Variants in PDZD2 observed in about 807,000 individuals in gnomAD.
PDZD2 encodes the protein PDZ domain containing 2.
Under a neutral mutation model 220.7 loss-of-function variants are expected in PDZD2, and 90 were observed. The ratio of observed to expected loss-of-function variants is 0.41; its 90% CI spans 0.34 to 0.49. The LOEUF is 0.49. Ranked by LOEUF, PDZD2 falls within the 20% of genes least tolerant of loss-of-function variation. The pLI is 0.28. For synonymous variants in PDZD2, 1,375 were observed against 1,450.5 expected, an observed-to-expected ratio of 0.95 and a Z score of 1.18; for missense variants, 3,174 against 3,608.5, an observed-to-expected ratio of 0.88 and a Z score of 3.08.
At chr5:31,689,195 A>T (rs1433959830) in intron 1 of PDZD2, among the ~76,000 whole-genome samples, 3 of 150,756 alleles carry the variant, frequency 2.0e-5, no homozygotes, top group Non-Finnish European at 2.9e-5. Flanking sequence ...CAGCCTCCTG[A>T]GTAGCTGGGA....
intron 1 of PDZD2, among the ~76,000 whole-genome samples, chr5:31,714,643 T>C (rs1748329500): frequency 6.6e-6 from 1 of 152,216 alleles, no homozygotes; most frequent in Non-Finnish European, 1.5e-5. Context: ...AAAGTGGATT[T>C]GGCAGAATTC....
At chr5:31,687,432 C>T (rs1469521327) in intron 1 of PDZD2, among the ~76,000 whole-genome samples, 1 of 152,208 alleles carries the variant, frequency 6.6e-6, no homozygotes, top group African/African-American at 2.4e-5. Context: ...TGAGACCTCA[C>T]CAGAATGATC....
At chr5:31,693,240 C>CTTTT (rs10650316) in intron 1 of PDZD2, among the ~76,000 whole-genome samples, 11,325 of 87,534 alleles carry the variant, frequency 0.13, 1,208 homozygotes, top group East Asian at 0.19. Flanking sequence ...TGGGAAAGCA[C>CTTTT]TTTTTTTTTT....
At chr5:31,748,875 C>G (rs911223618) in intron 1 of PDZD2, among the ~76,000 whole-genome samples, 1 of 152,122 alleles carries the variant, frequency 6.6e-6, no homozygotes, top group Non-Finnish European at 1.5e-5. Context: ...TGGGGCTGGG[C>G]TTGTTGCACC....
At chr5:31,654,017 C>T (rs1745451145) in intron 1 of PDZD2, among the ~76,000 whole-genome samples, 1 of 152,188 alleles carries the variant, frequency 6.6e-6, no homozygotes, top group Non-Finnish European at 1.5e-5. Context: ...ATCTCCTGAC[C>T]TTGTGATACG....
intron 2 of PDZD2, among the ~76,000 whole-genome samples, chr5:31,976,853 G>T (rs1477335019): frequency 1.5e-4 from 22 of 150,822 alleles, no homozygotes; most frequent in African/African-American, 5.4e-4. Context: ...GAGCAGCTGG[G>T]ATTACAGGCA....
At chr5:31,993,483 A>G (rs894330748) in intron 3 of PDZD2, among the ~76,000 whole-genome samples, 1 of 152,054 alleles carries the variant, frequency 6.6e-6, no homozygotes, top group African/African-American at 2.4e-5. Context: ...TGTTTTTTTT[A>G]CTGTTGCATA....
intron 2 of PDZD2, among the ~76,000 whole-genome samples, chr5:31,809,547 G>C (rs372435175): frequency 6.6e-6 from 1 of 152,126 alleles, no homozygotes; most frequent in South Asian, 2.1e-4. Context: ...TCAGCTCTTC[G>C]TGATGGATGA....
intron 2 of PDZD2, among the ~76,000 whole-genome samples, chr5:31,962,207 C>T (rs551026612): frequency 1.8e-4 from 27 of 152,286 alleles, no homozygotes; most frequent in Non-Finnish European, 3.1e-4. Flanking sequence ...ATAGTGTTGA[C>T]ATTTTCCACA....
chr5:31,976,144 T>TGA (rs942936583), intron 2 of PDZD2, among the ~76,000 whole-genome samples: 3 of 152,166 alleles, frequency 2.0e-5, no homozygotes, highest in Non-Finnish European at 4.4e-5. Context: ...AGGCGATACC[T>TGA]GAGAGAGAGT....
intron 1 of PDZD2, among the ~76,000 whole-genome samples, chr5:31,741,394 AT>A (rs1018944152): frequency 4.6e-5 from 7 of 150,882 alleles, no homozygotes; most frequent in Admixed American, 1.3e-4. Context: ...TCCTCCCAGA[AT>A]TTTTTTTTAG....
chr5:31,858,198 G>A (rs1296050468), intron 2 of PDZD2, among the ~76,000 whole-genome samples: 1 of 151,946 alleles, frequency 6.6e-6, no homozygotes, highest in Non-Finnish European at 1.5e-5. Context: ...CCTGACTTCA[G>A]GTGATCCGCC....
intron 2 of PDZD2, among the ~76,000 whole-genome samples, chr5:31,927,410 T>TCTAGG (rs1561101966): frequency 6.6e-6 from 1 of 151,844 alleles, no homozygotes; most frequent in Non-Finnish European, 1.5e-5. Flanking sequence ...TTTGAGACAG[T>TCTAGG]GTCTCACTCT....
intron 1 of PDZD2, among the ~76,000 whole-genome samples, chr5:31,676,917 AG>A (rs149393790): frequency 0.042 from 6,443 of 152,038 alleles, 180 homozygotes; most frequent in East Asian, 0.075. Flanking sequence ...ATTTTTAAAA[AG>A]GGGGGTTTGG....
intron 1 of PDZD2, among the ~76,000 whole-genome samples, chr5:31,779,152 A>G (rs1032416162): frequency 6.6e-6 from 1 of 152,016 alleles, no homozygotes; most frequent in Non-Finnish European, 1.5e-5. Context: ...ACACCTGTAC[A>G]CTAACTCCCA....
intron 1 of PDZD2, among the ~76,000 whole-genome samples, chr5:31,694,379 G>A (rs1330985057): frequency 6.6e-6 from 1 of 151,120 alleles, no homozygotes; most frequent in Non-Finnish European, 1.5e-5. Context: ...GCAACAGAGT[G>A]AGACTCCATC....
intron 6 of PDZD2, among the ~76,000 whole-genome samples, chr5:32,022,608 G>T (rs1330736585): frequency 6.6e-6 from 1 of 152,126 alleles, no homozygotes; most frequent in African/African-American, 2.4e-5. Flanking sequence ...CTGGGGATCA[G>T]TAGGGGTTCA....
At chr5:31,849,981 T>TATATATATATAC (rs1757890617) in intron 2 of PDZD2, among the ~76,000 whole-genome samples, 1 of 24,284 alleles carries the variant, frequency 4.1e-5, no homozygotes, top group East Asian at 7.6e-4. Context: ...TATATATACA[T>TATATATATATAC]ATATATATAT....
rs191277127 is a variant in PDZD2, at chr5:31,958,075, T to G, written c.477-25080T>G. On this transcript the variant is annotated intron_variant, in intron 2 of 24. Coordinates refer to ENST00000438447, the MANE Select transcript of PDZD2 (RefSeq NM_178140.4). ...AGCAGCAGGGCTTCCATATTATTCA[T>G]GTCATAACACATAGGTAATTTTTCT... is the stretch of plus-strand genomic sequence containing the variant. Among the ~76,000 whole-genome samples the G allele has an allele frequency of 2.1e-3, 321 of 152,294 alleles. 1 individual carries two copies. Among genetic ancestry groups the G allele is most frequent in the African/African-American group, 7.5e-3 (312 of 41,564 alleles).
Sources: gnomAD v4.1 joint callset for allele counts (sites outside exome capture counted in the v4.1 genomes callset) on GRCh38, gnomAD v4.1.1 for gene constraint, MANE v1.5 for transcripts, NCBI Gene and HGNC (gene_info 2026-07-23, HGNC 2026-07-21) for gene names.